DCUN1D2: variants seen among roughly 807,000 people sequenced by gnomAD.
DCUN1D2 encodes the protein DCN1-like protein 2.
Under a neutral mutation model 30.9 loss-of-function variants are expected in DCUN1D2, and 29 were observed. The ratio of observed to expected loss-of-function variants is 0.94; its 90% CI spans 0.70 to 1.28. DCUN1D2 has a LOEUF of 1.28. Ranked by LOEUF, DCUN1D2 falls within the 50% of genes most tolerant of loss-of-function variation. DCUN1D2 has a pLI of 0.00. For missense variants in DCUN1D2, 325 were observed against 316.9 expected (o/e 1.03, Z -0.19); for synonymous variants, 121 against 115.3 (o/e 1.05, Z -0.32).
In DCUN1D2 at chr13:113,461,139, G is replaced by A. The variant is rs759129290; in HGVS notation, c.521-3C>T. 4 of 1,596,954 alleles carry A rather than the reference G, an allele frequency of 2.5e-6. No individual in the cohort carries two copies. The highest frequency in any genetic ancestry group is 3.4e-5 in the Admixed American group (2 of 58,928). Reference sequence around the variant, plus strand: ...ATACGCAACAGCCATTTCTAAGTCTGGTAAAAAGAAAGAAAGAGCAGTTAG... The same window carrying A: ...ATACGCAACAGCCATTTCTAAGTCTAGTAAAAAGAAAGAAAGAGCAGTTAG... On this transcript the variant is annotated splice_polypyrimidine_tract_variant and splice_region_variant and intron_variant, in intron 4 of 6. Coordinates refer to ENST00000478244, the MANE Select transcript of DCUN1D2 (RefSeq NM_001014283.2).
In DCUN1D2 at chr13:113,461,087, A is replaced by G. The variant is rs905864432; in HGVS notation, c.570T>C (p.Phe190=). 6 of 1,611,526 alleles carry G rather than the reference A, an allele frequency of 3.7e-6. No homozygotes were observed. The highest frequency in any genetic ancestry group is 5.1e-6 in the Non-Finnish European group (6 of 1,178,284). ...AYWKLVLSGR[F]KFLDLWNTFL... ...ATGTGTTCCAGAGATCTAAAAATTT[A>G]AACCTTCCAGATAACACTAATTTCC... The change falls in exon 5 of 7, where the codon TTT becomes TTC. Residue 190 remains phenylalanine (F), a synonymous_variant. Transcript: ENST00000478244.
At chr13:113,490,915 C>G (rs2139767641), upstream of DCUN1D2, 1 of 234,258 alleles carries the variant, frequency 4.3e-6, no homozygotes, top group African/African-American at 2.3e-5. This position sits in a 1 kb window ranked among gnomAD's most constrained non-coding sequence, Gnocchi z 5.2. Flanking sequence ...CCAACGCCAG[C>G]CTGCGGCTGC....
chr13:113,470,503 G>C (rs1483954840), intron 4 of DCUN1D2, among the ~76,000 whole-genome samples: 1 of 152,160 alleles, frequency 6.6e-6, no homozygotes, highest in East Asian at 1.9e-4. Flanking sequence ...CACTGCCGAA[G>C]ACTTAACTCC....
chr13:113,474,360 G>T, intron 3 of DCUN1D2, 106 bp from the exon 4 acceptor site: 1 of 1,466,648 alleles, frequency 6.8e-7, no homozygotes, highest in Non-Finnish European at 9.2e-7. Flanking sequence ...TCCAGCTGGA[G>T]ACCGTATTTC....
At chr13:113,461,331 C>T (rs2044314896) in intron 4 of DCUN1D2, among the ~76,000 whole-genome samples, 195 bp from the exon 5 acceptor site, 1 of 152,200 alleles carries the variant, frequency 6.6e-6, no homozygotes, top group East Asian at 1.9e-4. Flanking sequence ...TGGGGAAACT[C>T]TTTTTAAAAG....
intron 4 of DCUN1D2, among the ~76,000 whole-genome samples, chr13:113,468,311 G>A (rs145012387): frequency 3.3e-5 from 5 of 152,266 alleles, no homozygotes; most frequent in Admixed American, 6.5e-5. Context: ...TTCCACTTAC[G>A]TGAGGTCCCA....
intron 3 of DCUN1D2, 135 bp from the exon 4 acceptor site, chr13:113,474,389 C>T (rs2044576519): frequency 9.6e-6 from 12 of 1,252,806 alleles, no homozygotes; most frequent in African/African-American, 3.0e-5. Context: ...CTTTCCCAGG[C>T]GCGGCCTAAG....
intron 2 of DCUN1D2, among the ~76,000 whole-genome samples, 153 bp downstream of exon 2, chr13:113,483,687 T>C (rs1202374828): frequency 6.6e-6 from 1 of 150,970 alleles, no homozygotes; most frequent in African/African-American, 2.4e-5. Context: ...CAGAAGCAAG[T>C]GGATTCTGCA....
rs750644539 is a variant in DCUN1D2, at chr13:113,458,053, T to C, written c.756A>G (p.Thr252=). 3 of 1,614,200 alleles carry C rather than the reference T, an allele frequency of 1.9e-6. No homozygotes were observed. Among genetic ancestry groups the C allele is most frequent in the South Asian group, 2.2e-5 (2 of 91,092 alleles). ...CCTAGAAAAGGCTGCGTTTTCCACC[T>C]GTGACTACTGGCCGTGCATATTCTA... ...DFVEYARPVV[T]GGKRSLF The change falls in exon 7 of 7, where the codon ACA becomes ACG. Residue 252 remains threonine (T), a synonymous_variant. Coordinates refer to ENST00000478244, the MANE Select transcript of DCUN1D2 (RefSeq NM_001014283.2).
intron 2 of DCUN1D2, among the ~76,000 whole-genome samples, 194 bp downstream of exon 2, chr13:113,483,646 C>T (rs904839321): frequency 6.6e-6 from 1 of 152,204 alleles, no homozygotes; most frequent in African/African-American, 2.4e-5. Context: ...CCTCCCCACC[C>T]CCACCAATCA....
intron 1 of DCUN1D2, among the ~76,000 whole-genome samples, chr13:113,489,958 C>A (rs747935333): frequency 6.6e-6 from 1 of 152,154 alleles, no homozygotes; most frequent in Non-Finnish European, 1.5e-5. Context: ...ACGCCAAGAT[C>A]ATGCCTGGCC....
chr13:113,487,310 T>C (rs1221426483), intron 1 of DCUN1D2, among the ~76,000 whole-genome samples: 3 of 152,238 alleles, frequency 2.0e-5, no homozygotes, highest in African/African-American at 4.8e-5. Flanking sequence ...GTGGTCATCG[T>C]TGCTAGATTT....
chr13:113,490,822 G>C (rs2139767035), upstream of DCUN1D2: 1 of 621,578 alleles, frequency 1.6e-6, no homozygotes, highest in Middle Eastern at 6.1e-4. The surrounding 1 kb of genome is among the most constrained non-coding windows in gnomAD (Gnocchi z 5.2). Context: ...GCTCAGCGCC[G>C]CCCGGGGGCC....
At chr13:113,484,145 G>GA (rs1207820183) in intron 1 of DCUN1D2, 89 bp from the exon 2 acceptor site, 37 of 1,567,932 alleles carry the variant, frequency 2.4e-5, no homozygotes, top group Non-Finnish European at 3.2e-5. Context: ...TAACTGGGCA[G>GA]AATTAGAGAC....
At chr13:113,485,655 G>C (rs1221872936) in intron 1 of DCUN1D2, among the ~76,000 whole-genome samples, 1 of 145,688 alleles carries the variant, frequency 6.9e-6, no homozygotes, top group Non-Finnish European at 1.5e-5. Flanking sequence ...GCTTCCAGAA[G>C]TTTTTTTTTT....
intron 4 of DCUN1D2, among the ~76,000 whole-genome samples, chr13:113,463,775 CAG>C (rs2044357354): frequency 1.4e-5 from 2 of 146,312 alleles, no homozygotes; most frequent in East Asian, 2.2e-4. Flanking sequence ...CAGACACACA[CAG>C]ACACACACAG....
At chr13:113,463,509 G>A (rs921740911) in intron 4 of DCUN1D2, among the ~76,000 whole-genome samples, 26 of 150,476 alleles carry the variant, frequency 1.7e-4, no homozygotes, top group African/African-American at 5.9e-4. Context: ...CTGGGCAACA[G>A]AGCAAGACCC....
intron 2 of DCUN1D2, among the ~76,000 whole-genome samples, chr13:113,482,798 C>T (rs887801013): frequency 1.3e-5 from 2 of 152,098 alleles, no homozygotes; most frequent in African/African-American, 4.8e-5. Context: ...CAAAAATTAG[C>T]TGGGCGTGGT....
intron 4 of DCUN1D2, among the ~76,000 whole-genome samples, chr13:113,470,450 AG>A (rs1202355111): frequency 3.3e-5 from 5 of 152,246 alleles, no homozygotes; most frequent in Non-Finnish European, 5.9e-5. Flanking sequence ...AAAATAAAAA[AG>A]AAATGAAGTA....
Sources: gnomAD v4.1 joint callset for allele counts (sites outside exome capture counted in the v4.1 genomes callset) on GRCh38, gnomAD v4.1.1 for gene constraint, Gnocchi (gnomAD v3.1) non-coding constraint, MANE v1.5 for transcripts, NCBI Gene and HGNC (gene_info 2026-07-23, HGNC 2026-07-21) for gene names.